TRMT44: variants seen among roughly 807,000 people sequenced by gnomAD.
The protein encoded by TRMT44 is probable tRNA (uracil-O(2)-)-methyltransferase.
TRMT44 carries 78 observed loss-of-function variants against 77.3 expected under a neutral mutation model. That is an observed-to-expected ratio of 1.01 (90% CI 0.84 to 1.22). The LOEUF (loss-of-function observed/expected upper bound fraction) is 1.22, where lower values mean the gene tolerates loss of function less well. Ranked by LOEUF, TRMT44 falls within the 50% of genes most tolerant of loss-of-function variation. The pLI is 0.00. For missense variants in TRMT44, 1,090 were observed against 964.4 expected (o/e 1.13, Z -1.73); for synonymous variants, 391 against 383.3 (o/e 1.02, Z -0.23).
Position 8,440,985 on chromosome 4 carries a change from G to A in TRMT44, c.163G>A (p.Glu55Lys), listed in dbSNP as rs1427614556. The A allele has an allele frequency of 6.6e-7, 1 of 1,523,468 alleles. No homozygotes were observed. Among genetic ancestry groups the A allele is most frequent in the Non-Finnish European group, 8.8e-7 (1 of 1,142,364 alleles). 94.4% of individuals were successfully genotyped at this position (1,523,468 alleles called of 1,614,324 possible). The change falls in exon 1 of 11, where the codon GAG (glutamate) becomes AAG (lysine). Residue 55 changes from glutamate (E) to lysine (K), a missense_variant. Physicochemically the swap from Glu to Lys is moderately conservative, Grantham distance 56. Coordinates refer to ENST00000389737, the MANE Select transcript of TRMT44 (RefSeq NM_152544.3). ...ARWSAALPCAEARGPGTSAGS... is the reference protein window; with the variant it reads ...ARWSAALPCAKARGPGTSAGS... Reference sequence around the variant, plus strand: ...CTGGAGCGCCGCCCTGCCCTGCGCGGAGGCCCGCGGCCCCGGGACTAGCGC... The same window carrying A: ...CTGGAGCGCCGCCCTGCCCTGCGCGAAGGCCCGCGGCCCCGGGACTAGCGC...
At chr4:8,515,177 G>C in the TRMT44 span, among the ~76,000 whole-genome samples, 1 of 152,170 alleles carries the variant, frequency 6.6e-6, no homozygotes, top group Non-Finnish European at 1.5e-5. Flanking sequence ...ATGCTGCCCA[G>C]GCTGGTCTCG....
chr4:8,468,084 C>T lies in TRMT44; in HGVS notation c.1665C>T (p.Asp555=), dbSNP rs74762812. Reference sequence around the variant, plus strand: ...CTGCTGGCAGTGCTGGTCACTGTGACGGTCAGCAAGCTCTGGACGCCAGGG... The same window carrying T: ...CTGCTGGCAGTGCTGGTCACTGTGATGGTCAGCAAGCTCTGGACGCCAGGG... The part of the protein sequence containing the change: ...WVAAGSAGHC[D]GQQALDARVG... The change falls in exon 9 of 11, where the codon GAC becomes GAT. Residue 555 remains aspartate, a synonymous_variant. Coordinates refer to ENST00000389737, the MANE Select transcript of TRMT44 (RefSeq NM_152544.3). 1.1e-3 allele frequency: 1,817 copies of T among 1,613,926 alleles called. 21 individuals carry two copies. In the African/African-American group the frequency reaches 0.02, roughly 18 times the overall value.
intron 10 of TRMT44, among the ~76,000 whole-genome samples, chr4:8,474,007 G>A (rs748195502): frequency 6.6e-6 from 1 of 152,222 alleles, no homozygotes; most frequent in Non-Finnish European, 1.5e-5. Context: ...TCCAAAACAT[G>A]GTTGGGTGTG....
chr4:8,466,267 G>T (rs1416777901), intron 8 of TRMT44, among the ~76,000 whole-genome samples: 2 of 152,252 alleles, frequency 1.3e-5, no homozygotes, highest in South Asian at 4.1e-4. Context: ...TAGCAAGAAA[G>T]GGCCCAGCTG....
Position 8,446,625 on chromosome 4 carries a change from T to C in TRMT44, c.734+35T>C. 7.0e-7 allele frequency: 1 copy of C among 1,432,794 alleles called. No homozygotes were observed. Among genetic ancestry groups the C allele is most frequent in the Non-Finnish European group, 9.4e-7 (1 of 1,059,762 alleles). The allele number at this position is 1,432,794 out of a possible 1,614,324, so 88.8% of individuals were successfully genotyped here. On this transcript the variant is annotated intron_variant, in intron 2 of 10. Transcript: ENST00000389737. This position sits in a 1 kb window ranked among gnomAD's most constrained non-coding sequence, Gnocchi z 4.3. ...GGACAGTGGACTCCTAGTTTTATGG[T>C]TTCCATTGAGGATTTCTTTAGGTAG...
chr4:8,462,197 G>A (rs1376435454), intron 6 of TRMT44, among the ~76,000 whole-genome samples: 2 of 149,440 alleles, frequency 1.3e-5, no homozygotes, highest in Non-Finnish European at 3.0e-5. Flanking sequence ...CATCACCTGA[G>A]GTCGGGAGTT....
rs573073799 is a variant in TRMT44, at chr4:8,471,068, A to C, written c.1928-16A>C. 169 of 1,560,310 alleles carry C rather than the reference A, an allele frequency of 1.1e-4. No homozygotes were observed. The East Asian group carries it at 1.6e-3, about 15-fold the overall frequency. ...TGCTGTTGTTTTGGGGAAAAAAAAA[A>C]CCCGTTTTTCCACAGAGAGCCTATC... On this transcript the variant is annotated splice_polypyrimidine_tract_variant and intron_variant, in intron 9 of 10. Coordinates refer to ENST00000389737, the MANE Select transcript of TRMT44 (RefSeq NM_152544.3).
intron 2 of TRMT44, among the ~76,000 whole-genome samples, chr4:8,448,290 T>C (rs1191528537): frequency 6.6e-6 from 1 of 152,232 alleles, no homozygotes; most frequent in Non-Finnish European, 1.5e-5. Context: ...ATTTGTTGTG[T>C]GCCCAGCATG....
At chr4:8,443,260 G>A (rs1210705994) in intron 1 of TRMT44, among the ~76,000 whole-genome samples, 1 of 152,208 alleles carries the variant, frequency 6.6e-6, no homozygotes, top group Non-Finnish European at 1.5e-5. Context: ...GATTGGAGAG[G>A]CAGTGCCCGT....
chr4:8,456,047 T>C (rs1725789935), intron 6 of TRMT44, among the ~76,000 whole-genome samples: 1 of 152,204 alleles, frequency 6.6e-6, no homozygotes, highest in South Asian at 2.1e-4. Flanking sequence ...GAAGTTAAAA[T>C]CTATCAAAAC....
In TRMT44 at chr4:8,446,416, C is replaced by A; in HGVS notation, c.620-60C>A. 1 of 1,095,910 alleles carries A rather than the reference C, an allele frequency of 9.1e-7. No individual in the cohort carries two copies. The highest frequency in any genetic ancestry group is 1.3e-6 in the Non-Finnish European group (1 of 750,442). 67.9% of individuals were successfully genotyped at this position (1,095,910 alleles called of 1,614,324 possible). ...TGACTCATCCCTATTTTTAATACTGCTTCTGATGAGACGGTAGCTAGGCAG... is the reference window on the plus strand; with the variant it reads ...TGACTCATCCCTATTTTTAATACTGATTCTGATGAGACGGTAGCTAGGCAG... On this transcript the variant is annotated intron_variant, in intron 1 of 10. Transcript: ENST00000389737. The surrounding 1 kb of genome is among the most constrained non-coding windows in gnomAD (Gnocchi z 4.3).
chr4:8,463,903 GT>G, intron 6 of TRMT44, 81 bp from the exon 7 acceptor site: 1 of 1,175,600 alleles, frequency 8.5e-7, no homozygotes, highest in South Asian at 1.4e-5. Flanking sequence ...TCCAGAGCCT[GT>G]ACCCTCCCGC....
In TRMT44 at chr4:8,454,640, C is replaced by T. The variant is rs956515807; in HGVS notation, c.1132-102C>T. On this transcript the variant is annotated intron_variant, in intron 5 of 10. Coordinates refer to ENST00000389737, the MANE Select transcript of TRMT44 (RefSeq NM_152544.3). ...TGCTGGCAGGAAGCTCTTCTCTTGC[C>T]CTTCGTCCTGCTGGCAGTGCCTGCA... 9 of 1,098,508 alleles carry T rather than the reference C, an allele frequency of 8.2e-6. No homozygotes were observed. In the African/African-American group the frequency reaches 1.1e-4, roughly 13 times the overall value. The allele number at this position is 1,098,508 out of a possible 1,614,324, so 68.0% of individuals were successfully genotyped here. A position where few individuals can be genotyped will look rare whatever the true frequency, so the allele number is the denominator to read the frequency against.
chr4:8,466,109 G>T (rs367971434), intron 8 of TRMT44, among the ~76,000 whole-genome samples: 14 of 152,326 alleles, frequency 9.2e-5, no homozygotes, highest in East Asian at 3.9e-4. Flanking sequence ...CGCTCCAAAG[G>T]CTTGACCTTT....
chr4:8,470,611 C>T (rs770630536), intron 9 of TRMT44, among the ~76,000 whole-genome samples: 7 of 152,130 alleles, frequency 4.6e-5, no homozygotes, highest in Admixed American at 1.3e-4. Context: ...TTTTTTAGTG[C>T]CTAGCATGGC....
At chr4:8,472,720 C>T (rs998304127) in intron 10 of TRMT44, among the ~76,000 whole-genome samples, 4 of 152,100 alleles carry the variant, frequency 2.6e-5, no homozygotes, top group African/African-American at 7.2e-5. Context: ...TCGGGGCAGG[C>T]GCAGAAGCGT....
chr4:8,512,808 TTGCAAAAATATGTC>T, the TRMT44 span, among the ~76,000 whole-genome samples: 1 of 152,208 alleles, frequency 6.6e-6, no homozygotes, highest in African/African-American at 2.4e-5. Flanking sequence ...GTGTCTATGC[TTGCAAAAATATGTC>T]TGTTATTACT....
chr4:8,476,059 C>A lies in TRMT44; in HGVS notation c.*58C>A. On this transcript the variant is annotated 3_prime_UTR_variant, in exon 11 of 11. Coordinates refer to ENST00000389737, the MANE Select transcript of TRMT44 (RefSeq NM_152544.3). Reference sequence around the variant, plus strand: ...GAGGCCAAACCAAGGAGAGCTTCCCCAGCAGTCGTCAGTGCTGTGGTCTCT... The same window carrying A: ...GAGGCCAAACCAAGGAGAGCTTCCCAAGCAGTCGTCAGTGCTGTGGTCTCT... 1 of 1,507,662 alleles carries A rather than the reference C, an allele frequency of 6.6e-7. No individual in the cohort carries two copies. The highest frequency in any genetic ancestry group is 9.1e-7 in the Non-Finnish European group (1 of 1,096,440). The allele number at this position is 1,507,662 out of a possible 1,614,324, so 93.4% of individuals were successfully genotyped here. A position where few individuals can be genotyped will look rare whatever the true frequency, so the allele number is the denominator to read the frequency against.
chr4:8,455,955 A>G (rs73213406), intron 6 of TRMT44, among the ~76,000 whole-genome samples: 3,374 of 152,344 alleles, frequency 0.022, 66 homozygotes, highest in African/African-American at 0.052. Flanking sequence ...AAAGTTAGAT[A>G]TGTCCTGAAT....
Sources: gnomAD v4.1 joint callset for allele counts (sites outside exome capture counted in the v4.1 genomes callset) on GRCh38, gnomAD v4.1.1 for gene constraint, Gnocchi (gnomAD v3.1) non-coding constraint, MANE v1.5 for transcripts, NCBI Gene and HGNC (gene_info 2026-07-23, HGNC 2026-07-21) for gene names.